SNX29: variants seen among roughly 807,000 people sequenced by gnomAD.
The protein encoded by SNX29 is sorting nexin 29.
A neutral mutation model predicts 102.1 loss-of-function variants in SNX29; 78 were observed. That is an observed-to-expected ratio of 0.76 (90% CI 0.64 to 0.92). The LOEUF (loss-of-function observed/expected upper bound fraction) is 0.92. Among genes scored for constraint, SNX29 ranks in the 40% least tolerant of loss-of-function variants. SNX29 has a pLI of 0.00. For synonymous variants in SNX29, 580 were observed against 414.5 expected (o/e 1.40, Z -4.85); for missense variants, 1,280 against 1,061.7 (o/e 1.21, Z -2.86).
rs188605475 is a variant in SNX29 at position 12,189,505 on chromosome 16, A to G, written c.1596-10096A>G. ...TCTTCGTAGGAATGTTGCAGAGGCG[A>G]TGCATCTTTTTAGTGCATCCTGGCA... is the stretch of plus-strand genomic sequence containing the variant. On this transcript the variant is annotated intron_variant, in intron 13 of 20. Coordinates refer to ENST00000566228, the MANE Select transcript of SNX29 (RefSeq NM_032167.5). Among the ~76,000 whole-genome samples, 252 of 152,240 alleles carry G rather than the reference A, an allele frequency of 1.7e-3. 1 individual carries two copies. The highest frequency in any genetic ancestry group is 1.9e-3 in the South Asian group (9 of 4,816).
At chr16:12,292,169 AG>A (rs1232196170) in intron 15 of SNX29, among the ~76,000 whole-genome samples, 1 of 152,144 alleles carries the variant, frequency 6.6e-6, no homozygotes, top group Non-Finnish European at 1.5e-5. Context: ...GGGGAAGGGC[AG>A]TCCAGATGGC....
chr16:12,053,969 T>C (rs1296069300), intron 8 of SNX29, among the ~76,000 whole-genome samples: 1 of 151,400 alleles, frequency 6.6e-6, no homozygotes, highest in Non-Finnish European at 1.5e-5. Context: ...TATTGTCAGT[T>C]TTTGTTTTTT....
In SNX29 at chr16:12,135,120, C is replaced by A. The variant is rs141073752; in HGVS notation, c.1595+5362C>A. Among the ~76,000 whole-genome samples, 16 of 152,304 alleles carry A rather than the reference C, an allele frequency of 1.1e-4. No homozygotes were observed. In the East Asian group the frequency reaches 3.1e-3, roughly 29 times the overall value. On this transcript the variant is annotated intron_variant, in intron 13 of 20. Transcript: ENST00000566228. ...TCACCTTCTTTTTCTTCTACTCAGG[C>A]CCTGCTTGGAATGGATGATGCTTGC...
intron 14 of SNX29, among the ~76,000 whole-genome samples, chr16:12,236,517 G>A (rs1411586500): frequency 1.3e-5 from 2 of 152,194 alleles, no homozygotes; most frequent in African/African-American, 4.8e-5. Context: ...TCTGTTGCAT[G>A]ACTTTCCGCA....
At chr16:11,978,155 T>G (rs1364405787) in intron 1 of SNX29, among the ~76,000 whole-genome samples, 1 of 152,128 alleles carries the variant, frequency 6.6e-6, no homozygotes, top group African/African-American at 2.4e-5. Context: ...GTCCTAATAA[T>G]GAGGGGGCTG....
intron 1 of SNX29, among the ~76,000 whole-genome samples, chr16:11,989,984 T>C (rs907867819): frequency 1.3e-5 from 2 of 152,192 alleles, no homozygotes; most frequent in Non-Finnish European, 2.9e-5. Context: ...TTGTGGAGGT[T>C]GAAGTGTACA....
intron 15 of SNX29, among the ~76,000 whole-genome samples, chr16:12,348,056 C>T (rs990676987): frequency 5.9e-5 from 9 of 151,854 alleles, no homozygotes; most frequent in African/African-American, 2.2e-4. Context: ...CCAGCCTGGG[C>T]AACAGAATAA....
intron 20 of SNX29, among the ~76,000 whole-genome samples, chr16:12,548,014 T>C (rs1157702146): frequency 1.3e-5 from 2 of 152,082 alleles, no homozygotes; most frequent in East Asian, 3.9e-4. Flanking sequence ...CATCCTGGAC[T>C]TTTGCACTGC....
chr16:12,321,713 T>C (rs2080937096), intron 15 of SNX29, among the ~76,000 whole-genome samples: 1 of 152,140 alleles, frequency 6.6e-6, no homozygotes, highest in Non-Finnish European at 1.5e-5. Context: ...CCAGGTCTTA[T>C]GAGGGCCCCG....
At chr16:12,181,059 G>T (rs148756409) in intron 13 of SNX29, among the ~76,000 whole-genome samples, 1 of 152,150 alleles carries the variant, frequency 6.6e-6, no homozygotes, top group African/African-American at 2.4e-5. Flanking sequence ...GTACAGATTT[G>T]AGAGTCAGTG....
At chr16:12,507,485 T>G (rs1219818832) in intron 19 of SNX29, among the ~76,000 whole-genome samples, 1 of 152,218 alleles carries the variant, frequency 6.6e-6, no homozygotes, top group African/African-American at 2.4e-5. Flanking sequence ...AGACTCTGTT[T>G]CTTGTTGATG....
chr16:12,564,128 C>T (rs981857789), intron 20 of SNX29, among the ~76,000 whole-genome samples: 1 of 152,092 alleles, frequency 6.6e-6, no homozygotes, highest in Non-Finnish European at 1.5e-5. Flanking sequence ...GTGGATCGTG[C>T]CTATAATCCC....
At chr16:12,335,956 C>T (rs558388889) in intron 15 of SNX29, among the ~76,000 whole-genome samples, 5 of 151,912 alleles carry the variant, frequency 3.3e-5, no homozygotes, top group Non-Finnish European at 7.4e-5. Flanking sequence ...CCGCTACCCT[C>T]TCCTGCTTCC....
rs150727633 is a variant in SNX29, at chr16:12,529,786, C to T, written c.2318+4945C>T. ...AGTGAGCAGGTTACGTTTAGCTCAG[C>T]GATGCCACACCCTGACCTGTGCACT... On this transcript the variant is annotated intron_variant, in intron 20 of 20. Coordinates refer to ENST00000566228, the MANE Select transcript of SNX29 (RefSeq NM_032167.5). Among the ~76,000 whole-genome samples, 29 of 152,248 alleles carry T rather than the reference C, an allele frequency of 1.9e-4. 1 individual carries two copies. The East Asian group carries it at 4.4e-3, about 23-fold the overall frequency.
chr16:12,556,871 G>A (rs78138503), intron 20 of SNX29, among the ~76,000 whole-genome samples: 1 of 149,490 alleles, frequency 6.7e-6, no homozygotes, highest in Non-Finnish European at 1.5e-5. Flanking sequence ...TTTTTTTTTT[G>A]AGATAGGGTC....
intron 20 of SNX29, among the ~76,000 whole-genome samples, chr16:12,552,300 C>CT (rs1414906833): frequency 6.6e-6 from 1 of 152,152 alleles, no homozygotes; most frequent in Non-Finnish European, 1.5e-5. Context: ...TCAGTTTCCT[C>CT]TTCTAGAAGA....
chr16:12,171,941 A>G (rs2076158757), intron 13 of SNX29, among the ~76,000 whole-genome samples: 1 of 152,158 alleles, frequency 6.6e-6, no homozygotes, highest in Non-Finnish European at 1.5e-5. Context: ...GTGAATCCCA[A>G]GCCTCACAGG....
intron 18 of SNX29, among the ~76,000 whole-genome samples, chr16:12,416,402 A>G (rs2084638454): frequency 6.6e-6 from 1 of 152,216 alleles, no homozygotes; most frequent in Non-Finnish European, 1.5e-5. Flanking sequence ...ATTTCAAAAT[A>G]GCTGGAAGAG....
chr16:12,512,135 A>C (rs13335002), intron 19 of SNX29, among the ~76,000 whole-genome samples: 2 of 151,550 alleles, frequency 1.3e-5, no homozygotes, highest in Non-Finnish European at 2.9e-5. Context: ...ACAGGCAGCA[A>C]CCAGCTGTCC....
Sources: allele counts gnomAD v4.1 joint callset (sites outside exome capture counted in the v4.1 genomes callset), GRCh38; gene constraint gnomAD v4.1.1; transcripts MANE v1.5; gene names NCBI Gene and HGNC (gene_info 2026-07-23, HGNC 2026-07-21).